Variants in PTPRD observed in about 807,000 individuals in gnomAD.
PTPRD encodes protein tyrosine phosphatase receptor type D, also known as receptor-type tyrosine-protein phosphatase delta.
In PTPRD, 34 loss-of-function variants were observed where a neutral mutation model predicts 214.5. That is an observed-to-expected ratio of 0.16 (90% CI 0.12 to 0.21). PTPRD has a LOEUF of 0.21. PTPRD is among the 10% of genes least tolerant of loss of function. The pLI, the probability that PTPRD is intolerant of heterozygous loss-of-function variation, is 1.00. For synonymous variants in PTPRD, 1,128 were observed against 845.7 expected (o/e 1.33, Z -5.79); for missense variants, 2,545 against 2,398.7 (o/e 1.06, Z -1.27).
chr9:8,504,179 T>A, intron 23 of PTPRD, 82 bp downstream of exon 23: 1 of 1,392,910 alleles, frequency 7.2e-7, no homozygotes, highest in South Asian at 1.2e-5. Flanking sequence ...ATTAGCAGGT[T>A]TGCTTATTGG....
chr9:9,757,856 T>A (rs868184296), intron 6 of PTPRD, among the ~76,000 whole-genome samples: 10 of 152,220 alleles, frequency 6.6e-5, no homozygotes, highest in African/African-American at 2.4e-4. Context: ...TCTGCTAATT[T>A]TTACCAGCCT....
At chr9:8,358,876 G>A (rs1030327229) in intron 39 of PTPRD, among the ~76,000 whole-genome samples, 5 of 151,622 alleles carry the variant, frequency 3.3e-5, no homozygotes, top group African/African-American at 9.7e-5. Context: ...GGGAGGCCGA[G>A]GCGGGCGGAT....
intron 34 of PTPRD, among the ~76,000 whole-genome samples, chr9:8,443,625 C>G (rs1353750996): frequency 1.3e-5 from 2 of 152,142 alleles, no homozygotes; most frequent in Non-Finnish European, 2.9e-5. Context: ...TTTTAAATCT[C>G]TTTTCCTAAA....
chr9:8,870,127 A>G (rs1367450507), intron 11 of PTPRD, among the ~76,000 whole-genome samples: 1 of 67,304 alleles, frequency 1.5e-5, no homozygotes, highest in Non-Finnish European at 2.8e-5. Context: ...TCCATCAGTT[A>G]AAAAAAAAAA....
At chr9:9,652,249 T>TTC (rs945820069) in intron 7 of PTPRD, among the ~76,000 whole-genome samples, 1 of 152,110 alleles carries the variant, frequency 6.6e-6, no homozygotes, top group Non-Finnish European at 1.5e-5. Context: ...ATGCCTTTTG[T>TTC]TCTCTCTCTC....
intron 11 of PTPRD, among the ~76,000 whole-genome samples, chr9:8,887,001 G>C (rs564582220): frequency 1.3e-5 from 2 of 152,302 alleles, no homozygotes; most frequent in East Asian, 3.9e-4. Context: ...ATTGGGCTAA[G>C]CATTTAAAGC....
At chr9:8,516,811 T>G (rs1406549680) in intron 21 of PTPRD, among the ~76,000 whole-genome samples, 1 of 96,370 alleles carries the variant, frequency 1.0e-5, no homozygotes, top group Non-Finnish European at 2.2e-5. Context: ...TTTTTTTTTT[T>G]TTTTTTTTTT....
At chr9:9,962,491 A>G (rs1167012876) in intron 4 of PTPRD, among the ~76,000 whole-genome samples, 1 of 152,080 alleles carries the variant, frequency 6.6e-6, no homozygotes, top group Non-Finnish European at 1.5e-5. Flanking sequence ...GAGAACATTT[A>G]AAGCACAATT....
At chr9:10,567,647 A>G (rs1322975858) in intron 2 of PTPRD, among the ~76,000 whole-genome samples, 8 of 151,862 alleles carry the variant, frequency 5.3e-5, no homozygotes. Context: ...AAAAATCATG[A>G]CTCTCTGTAA....
At chr9:10,196,623 G>A (rs2154329169) in intron 3 of PTPRD, among the ~76,000 whole-genome samples, 1 of 152,094 alleles carries the variant, frequency 6.6e-6, no homozygotes, top group East Asian at 1.9e-4. Context: ...TGCCTTCAAG[G>A]GAAAATTCAT....
intron 9 of PTPRD, among the ~76,000 whole-genome samples, chr9:9,380,648 T>A (rs997343781): frequency 1.3e-5 from 2 of 152,084 alleles, no homozygotes; most frequent in African/African-American, 4.8e-5. Flanking sequence ...TGAGAAGAAT[T>A]TTTTTTGCCA....
intron 3 of PTPRD, among the ~76,000 whole-genome samples, chr9:10,083,900 A>G (rs1411885453): frequency 1.3e-5 from 2 of 152,012 alleles, no homozygotes; most frequent in African/African-American, 2.4e-5. Context: ...TATTTGGCCC[A>G]GTTCCTAACA....
chr9:9,751,175 T>G (rs2098514921), intron 6 of PTPRD, among the ~76,000 whole-genome samples: 1 of 147,130 alleles, frequency 6.8e-6, no homozygotes, highest in Non-Finnish European at 1.5e-5. Context: ...AGTATTGAAC[T>G]TAAAAAAAAT....
At chr9:8,493,612 G>A (rs1307792300) in intron 26 of PTPRD, among the ~76,000 whole-genome samples, 2 of 152,054 alleles carry the variant, frequency 1.3e-5, no homozygotes, top group African/African-American at 4.8e-5. Flanking sequence ...ATTTTTATTG[G>A]TTATTTGTAT....
intron 2 of PTPRD, among the ~76,000 whole-genome samples, chr9:10,573,460 A>G (rs2068137606): frequency 1.3e-5 from 2 of 152,204 alleles, no homozygotes; most frequent in South Asian, 4.1e-4. Flanking sequence ...TCATTTTGTT[A>G]GGAACAAGAA....
chr9:8,380,702 A>T (rs1408480917), intron 37 of PTPRD, among the ~76,000 whole-genome samples: 1 of 152,146 alleles, frequency 6.6e-6, no homozygotes, highest in Non-Finnish European at 1.5e-5. Flanking sequence ...AACTCTTGTC[A>T]TTGCAAATAT....
intron 10 of PTPRD, among the ~76,000 whole-genome samples, chr9:9,074,616 G>A (rs1389451625): frequency 6.6e-6 from 1 of 151,980 alleles, no homozygotes; most frequent in Non-Finnish European, 1.5e-5. Context: ...GATGATCAGT[G>A]ATGTTAAGCA....
At chr9:10,430,292 T>G (rs1448261090) in intron 2 of PTPRD, among the ~76,000 whole-genome samples, 1 of 151,980 alleles carries the variant, frequency 6.6e-6, no homozygotes, top group Non-Finnish European at 1.5e-5. Flanking sequence ...CAAAATTATT[T>G]TGTACTTTAA....
At chr9:10,604,032 C>A (rs1035533347) in intron 2 of PTPRD, among the ~76,000 whole-genome samples, 1 of 151,700 alleles carries the variant, frequency 6.6e-6, no homozygotes, top group Non-Finnish European at 1.5e-5. Context: ...CATAGTCATT[C>A]CTGTGTGTCA....
Sources: gnomAD v4.1 joint callset for allele counts (sites outside exome capture counted in the v4.1 genomes callset) on GRCh38, gnomAD v4.1.1 for gene constraint, MANE v1.5 for transcripts, NCBI Gene and HGNC (gene_info 2026-07-23, HGNC 2026-07-21) for gene names.